Variants in TENM4 observed in about 807,000 individuals in gnomAD.
The protein encoded by TENM4 is teneurin-4.
In TENM4, 82 loss-of-function variants were observed where a neutral mutation model predicts 243.3. The ratio of observed to expected loss-of-function variants is 0.34; its 90% CI spans 0.28 to 0.40. The LOEUF is 0.40. Ranked by LOEUF, TENM4 falls within the 10% of genes least tolerant of loss-of-function variation. TENM4 has a pLI of 1.00. For synonymous variants in TENM4, 1,412 were observed against 1,456.3 expected (o/e 0.97, Z 0.69); for missense variants, 3,138 against 3,673.3 (o/e 0.85, Z 3.77).
intron 12 of TENM4, among the ~76,000 whole-genome samples, chr11:78,844,531 A>G (rs1858340414): frequency 6.6e-6 from 1 of 152,102 alleles, no homozygotes; most frequent in South Asian, 2.1e-4. Flanking sequence ...AATCCCAGCT[A>G]CTTGGGAGGC....
chr11:78,967,295 T>G (rs750878), intron 6 of TENM4, among the ~76,000 whole-genome samples: 23,508 of 152,038 alleles, frequency 0.15, 3,715 homozygotes, highest in African/African-American at 0.4. Flanking sequence ...TAGAACGCAG[T>G]AGTAAATATT....
In TENM4 at chr11:79,104,074, C is replaced by A. The variant is rs542688502; in HGVS notation, c.-65-34065G>T. Reference sequence around the variant, plus strand: ...CTTCCCTATTTTTCTCAATTAAATGCCCCTCTAAAGAGTGGTCTTCCCTTC... The same window carrying A: ...CTTCCCTATTTTTCTCAATTAAATGACCCTCTAAAGAGTGGTCTTCCCTTC... On this transcript the variant is annotated intron_variant, in intron 4 of 33. Coordinates refer to ENST00000278550, the MANE Select transcript of TENM4 (RefSeq NM_001098816.3). Among the ~76,000 whole-genome samples the A allele has an allele frequency of 2.0e-5, 3 of 152,170 alleles. No homozygotes were observed. In the South Asian group the frequency reaches 6.2e-4, roughly 32 times the overall value.
At chr11:78,974,849 T>C (rs1449494900) in intron 6 of TENM4, among the ~76,000 whole-genome samples, 1 of 151,774 alleles carries the variant, frequency 6.6e-6, no homozygotes, top group African/African-American at 2.4e-5. Context: ...CATGCCTGGC[T>C]AATTTTTATA....
intron 6 of TENM4, among the ~76,000 whole-genome samples, chr11:79,041,309 C>T (rs1373654323): frequency 2.6e-5 from 4 of 152,062 alleles, no homozygotes; most frequent in Non-Finnish European, 4.4e-5. Context: ...GATGATCCGC[C>T]AGCCTCAGCC....
At chr11:79,295,084 C>T (rs1474228539) in intron 2 of TENM4, among the ~76,000 whole-genome samples, 2 of 152,188 alleles carry the variant, frequency 1.3e-5, no homozygotes. Context: ...AGCAGAGGTA[C>T]TCCTGCTCAG....
chr11:79,007,822 T>C (rs1248943412), intron 6 of TENM4, among the ~76,000 whole-genome samples: 1 of 152,220 alleles, frequency 6.6e-6, no homozygotes, highest in East Asian at 1.9e-4. Context: ...AAGTTGGCTC[T>C]TTATCATGAC....
intron 6 of TENM4, among the ~76,000 whole-genome samples, chr11:78,999,701 T>G (rs962763892): frequency 6.6e-6 from 1 of 151,930 alleles, no homozygotes; most frequent in Non-Finnish European, 1.5e-5. Flanking sequence ...AACAGGAAAG[T>G]GTGACCCATA....
chr11:78,948,539 A>T (rs2136482311), intron 6 of TENM4, among the ~76,000 whole-genome samples: 1 of 152,112 alleles, frequency 6.6e-6, no homozygotes, highest in African/African-American at 2.4e-5. Flanking sequence ...CGCCTGGCTA[A>T]TTTTTGTATT....
At position 79,438,802 on chromosome 11, in the gene TENM4, T is replaced by C. The variant is rs762859155; in HGVS notation, c.-321+1707A>G. Among the ~76,000 whole-genome samples the C allele has an allele frequency of 1.3e-5, 2 of 152,158 alleles. No individual in the cohort carries two copies. The highest frequency in any genetic ancestry group is 2.9e-5 in the Non-Finnish European group (2 of 68,022). ...AACCTCAGTTCTGACTGACTCCTCC[T>C]CTGCGATCAATTCCGGATGCCCCCA... On this transcript the variant is annotated intron_variant, in intron 1 of 33. Transcript: ENST00000278550. The surrounding 1 kb of genome is among the most constrained non-coding windows in gnomAD (Gnocchi z 4.1).
Position 78,708,301 on chromosome 11 carries a change from G to A in TENM4, c.4209+60C>T, listed in dbSNP as rs1859305067. 4 of 1,601,422 alleles carry A rather than the reference G, an allele frequency of 2.5e-6. No homozygotes were observed. The South Asian group carries it at 4.5e-5, about 18-fold the overall frequency. ...AGATGAATGGCCAGCAGGCTGGCTG[G>A]GTGGCAGATGAGAGGATGAGTGGGC... On this transcript the variant is annotated intron_variant, in intron 27 of 33. Coordinates refer to ENST00000278550, the MANE Select transcript of TENM4 (RefSeq NM_001098816.3).
intron 4 of TENM4, among the ~76,000 whole-genome samples, chr11:79,099,346 T>A (rs1861165173): frequency 6.6e-6 from 1 of 152,120 alleles, no homozygotes; most frequent in African/African-American, 2.4e-5. Flanking sequence ...ATCCCATTGT[T>A]CATGTCCTTT....
intron 27 of TENM4, among the ~76,000 whole-genome samples, chr11:78,708,015 G>A (rs1383617078): frequency 2.6e-5 from 4 of 152,200 alleles, no homozygotes; most frequent in Admixed American, 2.0e-4. Flanking sequence ...AACAGGCAAT[G>A]TACAAATACC....
chr11:78,880,527 T>C (rs1297334594), intron 9 of TENM4, among the ~76,000 whole-genome samples: 1 of 121,374 alleles, frequency 8.2e-6, no homozygotes, highest in East Asian at 2.2e-4. Context: ...CAGAAGGACA[T>C]AAAGCTGTTT....
intron 1 of TENM4, among the ~76,000 whole-genome samples, chr11:79,405,784 G>A (rs1037480124): frequency 2.2e-5 from 3 of 138,866 alleles, no homozygotes; most frequent in African/African-American, 2.7e-5. Flanking sequence ...AATGATTTAC[G>A]CATATAAAAA....
intron 2 of TENM4, among the ~76,000 whole-genome samples, chr11:79,233,801 G>T (rs372298782): frequency 9.2e-5 from 14 of 152,170 alleles, no homozygotes; most frequent in African/African-American, 3.1e-4. Context: ...CAGAAATAGA[G>T]TTTACATGAT....
At position 79,013,868 on chromosome 11, in the gene TENM4, C is replaced by A. The variant is rs1260749615; in HGVS notation, c.493+50870G>T. Among the ~76,000 whole-genome samples the A allele has an allele frequency of 2.6e-5, 4 of 152,182 alleles. No individual in the cohort carries two copies. The East Asian group carries it at 7.7e-4, about 29-fold the overall frequency. On this transcript the variant is annotated intron_variant, in intron 6 of 33. Coordinates refer to ENST00000278550, the MANE Select transcript of TENM4 (RefSeq NM_001098816.3). ...AGGCCCCCGCAGTGGCCCTCAAGGC[C>A]CTCAGAGATCCAGCTGAGTCACTTT...
chr11:79,120,034 T>A (rs749324243), intron 4 of TENM4, among the ~76,000 whole-genome samples: 1 of 152,206 alleles, frequency 6.6e-6, no homozygotes, highest in African/African-American at 2.4e-5. Flanking sequence ...ATACCCTTGA[T>A]AGAAGCCAGA....
At chr11:79,352,344 G>T (rs766858324) in intron 1 of TENM4, among the ~76,000 whole-genome samples, 220 of 152,312 alleles carry the variant, frequency 1.4e-3, no homozygotes, top group Non-Finnish European at 2.4e-3. Flanking sequence ...AGTCACATAG[G>T]CAAGGGTAAG....
chr11:78,674,257 C>G (rs2135688246), intron 30 of TENM4, among the ~76,000 whole-genome samples: 1 of 152,296 alleles, frequency 6.6e-6, no homozygotes, highest in East Asian at 1.9e-4. Context: ...AAAAAAGTTC[C>G]CAGTTGTATA....
Sources: gnomAD v4.1 joint callset for allele counts (sites outside exome capture counted in the v4.1 genomes callset) on GRCh38, gnomAD v4.1.1 for gene constraint, Gnocchi (gnomAD v3.1) non-coding constraint, MANE v1.5 for transcripts, NCBI Gene and HGNC (gene_info 2026-07-23, HGNC 2026-07-21) for gene names.